TRPM3: variants seen among roughly 807,000 people sequenced by gnomAD.
TRPM3 encodes transient receptor potential cation channel subfamily M member 3.
TRPM3 carries 77 observed loss-of-function variants against 181.2 expected under a neutral mutation model. The ratio of observed to expected loss-of-function variants is 0.42; its 90% CI spans 0.35 to 0.51. The LOEUF is 0.51. Ranked by LOEUF, TRPM3 falls within the 20% of genes least tolerant of loss-of-function variation. TRPM3 has a pLI of 0.01. For synonymous variants in TRPM3, 745 were observed against 796.4 expected (o/e 0.94, Z 1.09); for missense variants, 1,759 against 2,196.7 (o/e 0.80, Z 3.98).
At chr9:70,555,104 T>C (rs2047339591) in intron 22 of TRPM3, among the ~76,000 whole-genome samples, 1 of 152,194 alleles carries the variant, frequency 6.6e-6, no homozygotes. Flanking sequence ...CTGCAGTTCC[T>C]AGAAATGCCA....
chr9:71,086,422 A>C (rs879599044), intron 1 of TRPM3, among the ~76,000 whole-genome samples: 4 of 151,972 alleles, frequency 2.6e-5, no homozygotes, highest in Admixed American at 6.6e-5. Context: ...AATGAGGTAT[A>C]AGTCTAGATT....
chr9:70,552,384 G>A (rs2046682930), intron 24 of TRPM3, among the ~76,000 whole-genome samples: 1 of 152,136 alleles, frequency 6.6e-6, no homozygotes, highest in Admixed American at 6.6e-5. Flanking sequence ...AAGCTGGGCT[G>A]GTCTTCTCAT....
chr9:71,394,268 A>C (rs941899444), intron 1 of TRPM3, among the ~76,000 whole-genome samples: 1 of 152,192 alleles, frequency 6.6e-6, no homozygotes, highest in African/African-American at 2.4e-5. Flanking sequence ...GTGCAAGTAA[A>C]ATACTTTCAT....
intron 19 of TRPM3, among the ~76,000 whole-genome samples, chr9:70,605,033 T>C (rs2060779927): frequency 6.7e-6 from 1 of 149,584 alleles, no homozygotes; most frequent in Admixed American, 6.8e-5. Context: ...CTCGGCTTTC[T>C]GCAAACCTCT....
intron 1 of TRPM3, among the ~76,000 whole-genome samples, chr9:71,203,517 A>G (rs1463197449): frequency 6.6e-6 from 1 of 152,156 alleles, no homozygotes; most frequent in African/African-American, 2.4e-5. Flanking sequence ...CCAATAGGGG[A>G]TGGATAAAAC....
chr9:71,035,642 G>A (rs556426409), intron 1 of TRPM3, among the ~76,000 whole-genome samples: 15 of 152,244 alleles, frequency 9.9e-5, no homozygotes, highest in South Asian at 8.3e-4. Flanking sequence ...TCTTGAACCC[G>A]GGAGGCAGAG....
rs138045534 is a variant in TRPM3, at chr9:71,291,273, C to T, written c.183+155380G>A. Among the ~76,000 whole-genome samples the T allele has an allele frequency of 5.3e-5, 8 of 152,234 alleles. No individual in the cohort carries two copies. In the East Asian group the frequency reaches 1.5e-3, roughly 29 times the overall value. On this transcript the variant is annotated intron_variant, in intron 1 of 24. Coordinates refer to the TRPM3 transcript ENST00000357533. ...TCACAACAATCAGTCAGAAGAGGCC[C>T]AGTGTACCTGAGCCAGCATAACAAG... is the stretch of plus-strand genomic sequence containing the variant.
At chr9:71,386,999 C>T (rs2092939029) in intron 1 of TRPM3, among the ~76,000 whole-genome samples, 1 of 152,110 alleles carries the variant, frequency 6.6e-6, no homozygotes, top group African/African-American at 2.4e-5. Context: ...TTCTCAGAGA[C>T]AGCATTTGCT....
chr9:70,972,501 G>A (rs1253208361), intron 1 of TRPM3, among the ~76,000 whole-genome samples: 1 of 152,158 alleles, frequency 6.6e-6, no homozygotes, highest in Admixed American at 6.5e-5. Flanking sequence ...CTGCTAATGG[G>A]TAAAGAGTTT....
At chr9:71,245,201 C>A (rs1403103651) in intron 1 of TRPM3, among the ~76,000 whole-genome samples, 1 of 152,112 alleles carries the variant, frequency 6.6e-6, no homozygotes, top group Non-Finnish European at 1.5e-5. Context: ...GTAATCCCAG[C>A]ACTTTGGGAG....
chr9:70,996,853 C>T (rs1169030601), intron 1 of TRPM3, among the ~76,000 whole-genome samples: 2 of 152,132 alleles, frequency 1.3e-5, no homozygotes, highest in South Asian at 2.1e-4. Flanking sequence ...CTCCTATGAA[C>T]AGGTAGATGT....
intron 1 of TRPM3, among the ~76,000 whole-genome samples, chr9:71,036,666 T>G (rs956610095): frequency 6.6e-6 from 1 of 152,236 alleles, no homozygotes; most frequent in Non-Finnish European, 1.5e-5. Context: ...TTTGGCCTTT[T>G]GCCCAGATTA....
upstream of TRPM3, among the ~76,000 whole-genome samples, chr9:71,123,105 A>G (rs1294986016): frequency 6.6e-6 from 1 of 152,228 alleles, no homozygotes; most frequent in African/African-American, 2.4e-5. Context: ...TATAACTGGA[A>G]TCTGGATTGA....
chr9:70,584,733 G>A (rs1655219009), intron 22 of TRPM3, among the ~76,000 whole-genome samples: 1 of 152,076 alleles, frequency 6.6e-6, no homozygotes, highest in African/African-American at 2.4e-5. Flanking sequence ...TTTCCTCTGG[G>A]GTTTTCACCA....
chr9:70,922,566 T>C (rs540198750), intron 1 of TRPM3, among the ~76,000 whole-genome samples: 1 of 152,332 alleles, frequency 6.6e-6, no homozygotes, highest in South Asian at 2.1e-4. Flanking sequence ...TCTGCAGATA[T>C]CCTTTCTGCC....
At chr9:70,981,569 G>A (rs2097363852) in intron 1 of TRPM3, among the ~76,000 whole-genome samples, 2 of 152,072 alleles carry the variant, frequency 1.3e-5, no homozygotes, top group South Asian at 4.1e-4. Flanking sequence ...CATCACTTTA[G>A]GCACCTTCAG....
rs374597566 is a variant in TRPM3 at position 70,598,811 on chromosome 9, A to G, written c.2797-141T>C. The G allele has an allele frequency of 1.2e-3, 1,197 of 995,032 alleles. 22 individuals are homozygous for G. In the South Asian group the frequency reaches 0.018, roughly 15 times the overall value. 61.6% of individuals were successfully genotyped at this position (995,032 alleles called of 1,614,324 possible). A position where few individuals can be genotyped will look rare whatever the true frequency, so the allele number is the denominator to read the frequency against. ...CTACTTAAATACTTGCATGCTGTAAAAGTCCGACTGAGCTAAGCTTAGGTG... is the reference window on the plus strand; with the variant it reads ...CTACTTAAATACTTGCATGCTGTAAGAGTCCGACTGAGCTAAGCTTAGGTG... On this transcript the variant is annotated intron_variant, in intron 20 of 25. Coordinates refer to ENST00000677713, the MANE Select transcript of TRPM3 (RefSeq NM_001366145.2).
chr9:70,808,772 TGATCATCAATTTGGTA>T (rs1337266014), intron 6 of TRPM3, among the ~76,000 whole-genome samples: 7 of 152,358 alleles, frequency 4.6e-5, no homozygotes, highest in Admixed American at 2.0e-4. Context: ...TAAAGTGAAC[TGATCATCAATTTGGTA>T]TTTGTGTTTT....
At chr9:71,170,526 G>A (rs879383310) in intron 1 of TRPM3, among the ~76,000 whole-genome samples, 1 of 152,202 alleles carries the variant, frequency 6.6e-6, no homozygotes, top group Non-Finnish European at 1.5e-5. Flanking sequence ...GGAGGGACTG[G>A]CTGAAGCCAT....
Sources: gnomAD v4.1 joint callset for allele counts (sites outside exome capture counted in the v4.1 genomes callset) on GRCh38, gnomAD v4.1.1 for gene constraint, MANE v1.5 for transcripts, NCBI Gene and HGNC (gene_info 2026-07-23, HGNC 2026-07-21) for gene names.